The following NXPE2 variants were observed in gnomAD, a reference collection of about 807,000 sequenced individuals.
NXPE2 encodes the protein NXPE family member 2.
NXPE2 carries 34 observed loss-of-function variants against 34.4 expected under a neutral mutation model. The observed-to-expected ratio is 0.99, with a 90% CI of 0.75 to 1.31. NXPE2 has a LOEUF of 1.31. Among genes scored for constraint, NXPE2 ranks in the 40% most tolerant of loss-of-function variants. The pLI, the probability that NXPE2 is intolerant of heterozygous loss-of-function variation, is 0.00. For synonymous variants in NXPE2, 235 were observed against 231.3 expected (o/e 1.02, Z -0.15); for missense variants, 649 against 672.5 (o/e 0.97, Z 0.39).
At chr11:114,620,371 G>A in the NXPE2 span, among the ~76,000 whole-genome samples, 6,466 of 151,690 alleles carry the variant, frequency 0.043, 457 homozygotes, top group African/African-American at 0.15. Flanking sequence ...TGGAAAATAA[G>A]TGTTGCCTCG....
chr11:114,570,852 C>T, the NXPE2 span: 2 of 925,446 alleles, frequency 2.2e-6, no homozygotes, highest in East Asian at 2.7e-5. Flanking sequence ...GTTGGGAATT[C>T]AGAGCCAAAC....
the NXPE2 span, among the ~76,000 whole-genome samples, chr11:114,594,926 T>G: frequency 6.6e-6 from 1 of 152,078 alleles, no homozygotes; most frequent in Admixed American, 6.5e-5. Context: ...CAAGCTGTAC[T>G]TGGTATCTCC....
the NXPE2 span, among the ~76,000 whole-genome samples, chr11:114,613,975 T>C: frequency 4.8e-4 from 72 of 151,562 alleles, no homozygotes; most frequent in African/African-American, 1.2e-3. Context: ...GGATAATAAG[T>C]ATTGCCTCTA....
At chr11:114,607,402 C>G in the NXPE2 span, among the ~76,000 whole-genome samples, 4 of 151,884 alleles carry the variant, frequency 2.6e-5, no homozygotes, top group African/African-American at 9.7e-5. Context: ...TGGGTAACCA[C>G]TGTTACCTGG....
At chr11:114,805,050 C>T in the NXPE2 span, among the ~76,000 whole-genome samples, 1 of 152,150 alleles carries the variant, frequency 6.6e-6, no homozygotes, top group East Asian at 1.9e-4. Context: ...TCTCTTGTAG[C>T]TGCTAAGGAG....
At chr11:114,623,620 T>C in the NXPE2 span, among the ~76,000 whole-genome samples, 1 of 152,170 alleles carries the variant, frequency 6.6e-6, no homozygotes, top group Non-Finnish European at 1.5e-5. Context: ...TTACCCGTTT[T>C]ACCCACTGGA....
chr11:114,587,132 A>G, the NXPE2 span, among the ~76,000 whole-genome samples: 1 of 152,110 alleles, frequency 6.6e-6, no homozygotes, highest in Non-Finnish European at 1.5e-5. Context: ...GCCCCTCTAC[A>G]AGAGACCAGG....
At chr11:114,654,800 T>C in the NXPE2 span, among the ~76,000 whole-genome samples, 111 of 152,348 alleles carry the variant, frequency 7.3e-4, no homozygotes, top group African/African-American at 2.6e-3. Flanking sequence ...TGTGTCTTTA[T>C]AGTAGAATGA....
chr11:114,582,517 T>C, the NXPE2 span: 1 of 1,614,064 alleles, frequency 6.2e-7, no homozygotes, highest in African/African-American at 1.3e-5. Flanking sequence ...AAGATCACCC[T>C]GTCATAGCCT....
At chr11:114,793,576 C>A in the NXPE2 span, among the ~76,000 whole-genome samples, 8 of 152,080 alleles carry the variant, frequency 5.3e-5, no homozygotes, top group Non-Finnish European at 8.8e-5. Context: ...TGGCCTTCTG[C>A]GATGGGAAGC....
the NXPE2 span, among the ~76,000 whole-genome samples, chr11:114,653,037 C>T: frequency 6.6e-6 from 1 of 152,136 alleles, no homozygotes; most frequent in South Asian, 2.1e-4. Context: ...TGATGTAGAA[C>T]TCATCATTAT....
chr11:114,531,443 G>T, the NXPE2 span, among the ~76,000 whole-genome samples: 8 of 152,246 alleles, frequency 5.3e-5, no homozygotes, highest in East Asian at 1.4e-3. Context: ...CTGTCTTCAG[G>T]CTTCAAGGAA....
chr11:114,517,549 G>C, the NXPE2 span, among the ~76,000 whole-genome samples: 5 of 152,192 alleles, frequency 3.3e-5, no homozygotes, highest in Non-Finnish European at 5.9e-5. Flanking sequence ...TTTATGTCAT[G>C]TTCTAGATAC....
At chr11:114,562,278 C>A in the NXPE2 span, among the ~76,000 whole-genome samples, 1 of 152,160 alleles carries the variant, frequency 6.6e-6, no homozygotes, top group Non-Finnish European at 1.5e-5. Flanking sequence ...AGAAATATTT[C>A]CTGGTGCTGA....
the NXPE2 span, among the ~76,000 whole-genome samples, chr11:114,588,978 C>A: frequency 6.6e-6 from 1 of 151,998 alleles, no homozygotes; most frequent in Admixed American, 6.6e-5. Context: ...ATAGTAGGGA[C>A]CAGGAGGAGA....
chr11:114,719,949 G>A, the NXPE2 span, among the ~76,000 whole-genome samples: 2 of 152,180 alleles, frequency 1.3e-5, no homozygotes, highest in East Asian at 1.9e-4. Context: ...TCAAGTGCCT[G>A]GACATATATC....
At chr11:114,524,235 A>G in the NXPE2 span, among the ~76,000 whole-genome samples, 3 of 151,264 alleles carry the variant, frequency 2.0e-5, no homozygotes, top group Admixed American at 6.6e-5. Context: ...CATGGCCACA[A>G]CTAGATATAA....
chr11:114,585,996 A>G, the NXPE2 span, among the ~76,000 whole-genome samples: 11 of 152,214 alleles, frequency 7.2e-5, no homozygotes, highest in Middle Eastern at 3.2e-3. Flanking sequence ...ATGAAAGATT[A>G]GAGTGGGACA....
chr11:114,806,286 G>A, the NXPE2 span, among the ~76,000 whole-genome samples: 12 of 152,058 alleles, frequency 7.9e-5, no homozygotes, highest in East Asian at 5.8e-4. Context: ...AAATCAGAGC[G>A]CCTCTCCTCC....
Sources: allele counts gnomAD v4.1 joint callset (sites outside exome capture counted in the v4.1 genomes callset), GRCh38; gene constraint gnomAD v4.1.1; transcripts MANE v1.5; gene names NCBI Gene and HGNC (gene_info 2026-07-23, HGNC 2026-07-21).